Variants in CDH20 observed in about 807,000 individuals in gnomAD.
CDH20 encodes cadherin 20, also known as cadherin-20.
In CDH20, 29 loss-of-function variants were observed where a neutral mutation model predicts 74.2. The observed-to-expected ratio is 0.39, with a 90% confidence interval of 0.29 to 0.53. The LOEUF (loss-of-function observed/expected upper bound fraction) is 0.53, where lower values mean the gene tolerates loss of function less well. Among genes scored for constraint, CDH20 ranks in the 20% least tolerant of loss-of-function variants. The pLI is 0.69. For missense variants in CDH20, 988 were observed against 1,048.3 expected, an observed-to-expected ratio of 0.94 and a Z score of 0.79; for synonymous variants, 469 against 405.4, an observed-to-expected ratio of 1.16 and a Z score of -1.88.
At chr18:61,360,231 C>T (rs999117424) in intron 1 of CDH20, among the ~76,000 whole-genome samples, 5 of 152,118 alleles carry the variant, frequency 3.3e-5, no homozygotes, top group Non-Finnish European at 5.9e-5. Flanking sequence ...GTAGGTTACC[C>T]TTTGAGAAAA....
rs757504605 is a variant in CDH20, at chr18:61,500,431, ACGG to A, written c.592_594del (p.Gly198del). The stretch of plus-strand genomic sequence containing the variant: ...GCCACAGATGCAGATGACCCGACCT[ACGG>A]CAACAGTGCCAGGGTGGTGTACAGC... On this transcript the variant is annotated inframe_deletion, in exon 4 of 12. Transcript: ENST00000262717. 6.2e-7 allele frequency: 1 copy of A among 1,613,294 alleles called. No homozygotes were observed. The highest frequency in any genetic ancestry group is 8.5e-7 in the Non-Finnish European group (1 of 1,179,444).
chr18:61,440,522 A>T (rs1436542046), intron 1 of CDH20, among the ~76,000 whole-genome samples: 2 of 152,206 alleles, frequency 1.3e-5, no homozygotes, highest in Non-Finnish European at 2.9e-5. Context: ...ACAAAGCAAC[A>T]GACTTATGGC....
intron 1 of CDH20, among the ~76,000 whole-genome samples, chr18:61,449,337 T>C (rs1909306173): frequency 6.6e-6 from 1 of 152,190 alleles, no homozygotes; most frequent in African/African-American, 2.4e-5. Flanking sequence ...TATTCACCTG[T>C]AACTTGAACA....
chr18:61,504,796 C>T (rs1911501086), intron 5 of CDH20, among the ~76,000 whole-genome samples: 1 of 152,124 alleles, frequency 6.6e-6, no homozygotes. Context: ...CCAAGCTAAC[C>T]TTCCCTTGTA....
chr18:61,407,535 C>T (rs544475296), intron 1 of CDH20, among the ~76,000 whole-genome samples: 3 of 152,256 alleles, frequency 2.0e-5, no homozygotes, highest in Non-Finnish European at 2.9e-5. Flanking sequence ...GACCAAATTA[C>T]GCAGGATCTT....
chr18:61,536,036 A>G (rs1002795644), intron 7 of CDH20, among the ~76,000 whole-genome samples: 1 of 152,164 alleles, frequency 6.6e-6, no homozygotes, highest in Non-Finnish European at 1.5e-5. Flanking sequence ...TCTTTTCTCA[A>G]TAGTTGATAC....
intron 9 of CDH20, 106 bp downstream of exon 9, chr18:61,539,251 C>G: frequency 9.0e-7 from 1 of 1,106,942 alleles, no homozygotes; most frequent in Non-Finnish European, 1.3e-6. Context: ...CAGAAACGAA[C>G]AGTTCACAAA....
At chr18:61,384,059 T>C (rs929825061) in intron 1 of CDH20, among the ~76,000 whole-genome samples, 1 of 152,196 alleles carries the variant, frequency 6.6e-6, no homozygotes, top group East Asian at 1.9e-4. Context: ...CTTATTCCTG[T>C]TCCCTTAATT....
intron 1 of CDH20, among the ~76,000 whole-genome samples, chr18:61,481,967 TGA>T (rs1910604637): frequency 6.6e-6 from 1 of 150,802 alleles, no homozygotes; most frequent in Admixed American, 6.6e-5. Flanking sequence ...TATTCTAGCG[TGA>T]GAGGGGATTG....
chr18:61,544,133 A>G (rs1164162516), intron 9 of CDH20, among the ~76,000 whole-genome samples: 1 of 152,246 alleles, frequency 6.6e-6, no homozygotes, highest in African/African-American at 2.4e-5. Context: ...CTGTGCAGGG[A>G]AGTTTCACAT....
chr18:61,479,024 T>A (rs148535769), intron 1 of CDH20, among the ~76,000 whole-genome samples: 1 of 151,980 alleles, frequency 6.6e-6, no homozygotes, highest in Non-Finnish European at 1.5e-5. Flanking sequence ...CACTGATATA[T>A]CCATTCTGCT....
At chr18:61,506,659 G>A (rs1599133284) in intron 5 of CDH20, among the ~76,000 whole-genome samples, 1 of 152,318 alleles carries the variant, frequency 6.6e-6, no homozygotes, top group Non-Finnish European at 1.5e-5. Flanking sequence ...TTAATTGTGA[G>A]CTCAGGATAT....
At chr18:61,533,294 A>G (rs931179420) in intron 7 of CDH20, among the ~76,000 whole-genome samples, 2 of 152,162 alleles carry the variant, frequency 1.3e-5, no homozygotes, top group Non-Finnish European at 2.9e-5. Context: ...TGGATGACAG[A>G]AAGAGAACCC....
At chr18:61,512,584 C>T (rs1911823184) in intron 6 of CDH20, among the ~76,000 whole-genome samples, 2 of 152,144 alleles carry the variant, frequency 1.3e-5, no homozygotes, top group African/African-American at 4.8e-5. Context: ...GTTAGATTCA[C>T]TCCATGCCGC....
chr18:61,441,852 T>C (rs942326649), intron 1 of CDH20, among the ~76,000 whole-genome samples: 2 of 152,164 alleles, frequency 1.3e-5, no homozygotes, highest in Non-Finnish European at 2.9e-5. Context: ...CCACATTCTC[T>C]GCCAAGCCAC....
intron 1 of CDH20, among the ~76,000 whole-genome samples, chr18:61,424,961 T>G (rs1202909143): frequency 1.3e-5 from 2 of 152,220 alleles, no homozygotes; most frequent in Non-Finnish European, 2.9e-5. Context: ...GCTTCTAAAA[T>G]GTCTCTCATT....
At chr18:61,340,718 C>T (rs1909920473) in intron 1 of CDH20, among the ~76,000 whole-genome samples, 1 of 152,064 alleles carries the variant, frequency 6.6e-6, no homozygotes, top group African/African-American at 2.4e-5. Flanking sequence ...TCTTTGAACC[C>T]CTCACCAATC....
chr18:61,505,321 T>A (rs1379194181), intron 5 of CDH20, among the ~76,000 whole-genome samples: 15 of 145,870 alleles, frequency 1.0e-4, no homozygotes, highest in Admixed American at 9.9e-4. Context: ...TAGTCTTGCC[T>A]CCGAAACCAA....
At chr18:61,528,709 G>T (rs1912538812) in intron 7 of CDH20, among the ~76,000 whole-genome samples, 1 of 152,142 alleles carries the variant, frequency 6.6e-6, no homozygotes, top group Non-Finnish European at 1.5e-5. Flanking sequence ...TACTGATTCA[G>T]ATAAAGTATA....
Sources: gnomAD v4.1 joint callset for allele counts (sites outside exome capture counted in the v4.1 genomes callset) on GRCh38, gnomAD v4.1.1 for gene constraint, MANE v1.5 for transcripts, NCBI Gene and HGNC (gene_info 2026-07-23, HGNC 2026-07-21) for gene names.